Variants in PLA2G4A observed in about 807,000 individuals in gnomAD.
PLA2G4A encodes phospholipase A2 group IVA.
In PLA2G4A, 40 loss-of-function variants were observed where a neutral mutation model predicts 81.9. The ratio of observed to expected loss-of-function variants is 0.49; its 90% CI spans 0.38 to 0.64. PLA2G4A has a LOEUF of 0.64. Among genes scored for constraint, PLA2G4A ranks in the 30% least tolerant of loss-of-function variants. The pLI, the probability that PLA2G4A is intolerant of heterozygous loss-of-function variation, is 0.00. For synonymous variants in PLA2G4A, 302 were observed against 296.9 expected (o/e 1.02, Z -0.18); for missense variants, 715 against 905.1 (o/e 0.79, Z 2.69).
chr1:186,969,355 G>A (rs940268946), intron 15 of PLA2G4A, among the ~76,000 whole-genome samples: 1 of 151,502 alleles, frequency 6.6e-6, no homozygotes, highest in African/African-American at 2.4e-5. Flanking sequence ...GATCAATTAG[G>A]GTAATTGGGA....
At chr1:186,879,722 T>G (rs1298992168) in intron 3 of PLA2G4A, among the ~76,000 whole-genome samples, 1 of 151,884 alleles carries the variant, frequency 6.6e-6, no homozygotes, top group Non-Finnish European at 1.5e-5. Flanking sequence ...CTAAGCAAAC[T>G]TCTTAGGACT....
At chr1:186,928,723 T>C (rs1655637311) in intron 7 of PLA2G4A, among the ~76,000 whole-genome samples, 1 of 152,242 alleles carries the variant, frequency 6.6e-6, no homozygotes, top group Admixed American at 6.5e-5. Flanking sequence ...TCTTGAATAC[T>C]TCAGAATTTT....
intron 3 of PLA2G4A, among the ~76,000 whole-genome samples, chr1:186,878,873 T>C (rs1653621978): frequency 6.6e-6 from 1 of 151,920 alleles, no homozygotes; most frequent in Non-Finnish European, 1.5e-5. Flanking sequence ...TCTAATGGAA[T>C]TAAATTTAAA....
At chr1:186,928,267 G>A (rs1655619937) in intron 7 of PLA2G4A, among the ~76,000 whole-genome samples, 1 of 152,064 alleles carries the variant, frequency 6.6e-6, no homozygotes, top group South Asian at 2.1e-4. Flanking sequence ...AGGGAAACAG[G>A]GTCAGGGAGA....
chr1:186,894,050 A>C (rs372851761), intron 4 of PLA2G4A, 48 bp from the exon 5 acceptor site: 15 of 809,458 alleles, frequency 1.9e-5, no homozygotes, highest in East Asian at 1.2e-4. Context: ...GTCATTTCCA[A>C]AGATCCATGG....
chr1:186,846,900 C>A (rs1558356177), intron 1 of PLA2G4A, among the ~76,000 whole-genome samples: 1 of 151,928 alleles, frequency 6.6e-6, no homozygotes, highest in Non-Finnish European at 1.5e-5. Context: ...TTATTATAGT[C>A]CGCTTCATAT....
intron 3 of PLA2G4A, among the ~76,000 whole-genome samples, chr1:186,880,856 CT>C (rs1159354317): frequency 6.6e-6 from 1 of 151,858 alleles, no homozygotes; most frequent in African/African-American, 2.4e-5. Flanking sequence ...TGTTTTTTCC[CT>C]CCAAGAAGAT....
In PLA2G4A at chr1:186,911,384, C is replaced by T. The variant is rs374028240; in HGVS notation, c.553C>T (p.Arg185Cys). Residue 185 changes from arginine to cysteine, a missense_variant, in exon 7 of 18, where the codon CGT becomes TGT. Coordinates refer to ENST00000367466, the MANE Select transcript of PLA2G4A (RefSeq NM_024420.3). ...GAATAGTGAAGGATTGCATTCTGCA[C>T]GTGATGTGAGTTGGAAATTTTTCAA... ...PKNSEGLHSA[R>C]DVPVVAILGS... 1.7e-5 allele frequency: 28 copies of T among 1,607,704 alleles called. No homozygotes were observed. The highest frequency in any genetic ancestry group is 8.0e-5 in the African/African-American group (6 of 74,774).
rs1474487537 is a variant in PLA2G4A at position 186,870,931 on chromosome 1, C to A, written c.115+415C>A. ...CTGTCAGAACAGCATTTTACCTGGG[C>A]CTTAAATTAGCCGAGATCACTTGGA... On this transcript the variant is annotated intron_variant, in intron 3 of 17. Coordinates refer to ENST00000367466, the MANE Select transcript of PLA2G4A (RefSeq NM_024420.3). 3.3e-5 allele frequency among the ~76,000 whole-genome samples: 5 copies of A among 152,130 alleles called. 1 individual carries two copies. The South Asian group carries it at 8.3e-4, about 25-fold the overall frequency.
intron 1 of PLA2G4A, among the ~76,000 whole-genome samples, chr1:186,848,900 G>A (rs923866698): frequency 2.0e-5 from 3 of 152,076 alleles, no homozygotes; most frequent in Non-Finnish European, 4.4e-5. Flanking sequence ...GTGGATAATA[G>A]GTGGTGAACA....
At chr1:186,920,240 A>G (rs1558438562) in intron 7 of PLA2G4A, among the ~76,000 whole-genome samples, 1 of 152,104 alleles carries the variant, frequency 6.6e-6, no homozygotes. Flanking sequence ...TTTGTAAAGG[A>G]GATGGTGGCT....
At chr1:186,867,985 A>C (rs1653092923) in intron 2 of PLA2G4A, among the ~76,000 whole-genome samples, 1 of 150,596 alleles carries the variant, frequency 6.6e-6, no homozygotes, top group African/African-American at 2.4e-5. Flanking sequence ...TAGCTTGTTG[A>C]TATATGGATT....
chr1:186,980,062 C>T (rs995066102), intron 17 of PLA2G4A, among the ~76,000 whole-genome samples: 1 of 150,596 alleles, frequency 6.6e-6, no homozygotes, highest in African/African-American at 2.4e-5. Flanking sequence ...ATTCTCCTGC[C>T]TCAGCCTCCC....
chr1:186,870,688 C>A (rs1289187830), intron 3 of PLA2G4A, 172 bp downstream of exon 3: 1 of 1,497,658 alleles, frequency 6.7e-7, no homozygotes, highest in Non-Finnish European at 9.1e-7. Flanking sequence ...GTCAGATTAG[C>A]ATTTTACCTG....
intron 15 of PLA2G4A, 87 bp from the exon 16 acceptor site, chr1:186,977,506 C>T (rs2891262): frequency 0.22 from 182,962 of 816,266 alleles, 21,692 homozygotes; most frequent in Admixed American, 0.29. Flanking sequence ...ACACAGTAGA[C>T]ACCTAGTGAA....
At chr1:186,967,213 C>T (rs1348378219) in intron 15 of PLA2G4A, among the ~76,000 whole-genome samples, 6 of 152,042 alleles carry the variant, frequency 3.9e-5, no homozygotes, top group African/African-American at 7.2e-5. Context: ...ATATAGAAAA[C>T]CTTACATGTT....
At chr1:186,971,503 A>G (rs1657355209) in intron 15 of PLA2G4A, among the ~76,000 whole-genome samples, 1 of 151,990 alleles carries the variant, frequency 6.6e-6, no homozygotes, top group South Asian at 2.1e-4. Flanking sequence ...GGAAATAATG[A>G]ATTATATTTT....
At chr1:186,972,504 CAG>C (rs1264853491) in intron 15 of PLA2G4A, among the ~76,000 whole-genome samples, 1 of 152,112 alleles carries the variant, frequency 6.6e-6, no homozygotes. Context: ...TAGAAGAATT[CAG>C]AGTTTACTAC....
At chr1:186,830,747 TTA>T (rs1054091883) in intron 1 of PLA2G4A, among the ~76,000 whole-genome samples, 128 of 152,200 alleles carry the variant, frequency 8.4e-4, no homozygotes, top group African/African-American at 2.9e-3. Flanking sequence ...GTTATTTGGC[TTA>T]TGTTTTTAAC....
Sources: allele counts gnomAD v4.1 joint callset (sites outside exome capture counted in the v4.1 genomes callset), GRCh38; gene constraint gnomAD v4.1.1; transcripts MANE v1.5; gene names NCBI Gene and HGNC (gene_info 2026-07-23, HGNC 2026-07-21).